The following MIER1 variants were observed in gnomAD, a reference collection of about 807,000 sequenced individuals.
MIER1 encodes MIER1 transcriptional regulator, also known as mesoderm induction early response protein 1.
In MIER1, 40 loss-of-function variants were observed where a neutral mutation model predicts 75.7. That is an observed-to-expected ratio of 0.53 (90% CI 0.41 to 0.69). The LOEUF (loss-of-function observed/expected upper bound fraction) is 0.69, where lower values mean the gene tolerates loss of function less well. Among genes scored for constraint, MIER1 ranks in the 30% least tolerant of loss-of-function variants. The pLI is 0.00. For missense variants in MIER1, 574 were observed against 680.2 expected, an observed-to-expected ratio of 0.84 and a Z score of 1.74; for synonymous variants, 213 against 223.4, an observed-to-expected ratio of 0.95 and a Z score of 0.42.
intron 12 of MIER1, among the ~76,000 whole-genome samples, chr1:66,980,046 G>A (rs1028961341): frequency 6.6e-6 from 1 of 152,198 alleles, no homozygotes; most frequent in Non-Finnish European, 1.5e-5. Context: ...TGACAGGCGT[G>A]AGCCACCACA....
At chr1:66,976,546 A>C (rs1342238623) in intron 11 of MIER1, 49 bp from the exon 12 acceptor site, 1 of 1,515,710 alleles carries the variant, frequency 6.6e-7, no homozygotes, top group Non-Finnish European at 8.8e-7. Context: ...ATCATGAAGT[A>C]ACTTTGTTAA....
In MIER1 at chr1:66,926,121, GCT is replaced by G; in HGVS notation, c.68-16_68-15del. ...TCGTTTCTGTCTCCTTGCTACTGAGGCTCTCTTTCCTTTGATCCAGATGGTGT... is the reference window on the plus strand; with the variant it reads ...TCGTTTCTGTCTCCTTGCTACTGAGGCTCTTTCCTTTGATCCAGATGGTGT... On this transcript the variant is annotated intron_variant, in intron 1 of 13. Transcript: ENST00000401041. 1.1e-5 allele frequency: 17 copies of G among 1,592,704 alleles called. No homozygotes were observed. The highest frequency in any genetic ancestry group is 1.5e-5 in the Non-Finnish European group (17 of 1,160,626).
chr1:66,957,442 A>T (rs1420298435), intron 4 of MIER1, among the ~76,000 whole-genome samples: 1 of 152,184 alleles, frequency 6.6e-6, no homozygotes, highest in Non-Finnish European at 1.5e-5. Flanking sequence ...GCATCTATGA[A>T]ATGGAAATAA....
chr1:66,953,574 A>G (rs1399758214), intron 4 of MIER1, among the ~76,000 whole-genome samples: 1 of 150,160 alleles, frequency 6.7e-6, no homozygotes, highest in African/African-American at 2.4e-5. Context: ...GTTTAATACT[A>G]GTAAGTAAGC....
intron 2 of MIER1, chr1:66,929,295 C>G (rs562760355): frequency 3.3e-6 from 1 of 307,606 alleles, no homozygotes; most frequent in African/African-American, 2.2e-5. Context: ...TAAGAGGAAC[C>G]CTTGAAGATT....
Position 66,986,662 on chromosome 1 carries a change from T to C in MIER1, c.*1762T>C. The C allele has an allele frequency of 1.9e-6, 1 of 522,652 alleles. No homozygotes were observed. 32.4% of individuals were successfully genotyped at this position (522,652 alleles called of 1,614,324 possible). A position where few individuals can be genotyped will look rare whatever the true frequency, so the allele number is the denominator to read the frequency against. ...GTGTTAAAAGCCACTTTGCAACACT[T>C]GACTTCATCTTAATGTACATTCACT... On this transcript the variant is annotated 3_prime_UTR_variant, in exon 14 of 14. Transcript: ENST00000401041.
In MIER1 at chr1:66,985,099, T is replaced by A. The variant is rs924267503; in HGVS notation, c.*199T>A. 45 of 1,253,686 alleles carry A rather than the reference T, an allele frequency of 3.6e-5. No individual in the cohort carries two copies. The highest frequency in any genetic ancestry group is 2.3e-5 in the Non-Finnish European group (23 of 992,360). The allele number at this position is 1,253,686 out of a possible 1,614,324, so 77.7% of individuals were successfully genotyped here. ...TAAAGCTGTCAGACTCTTTTAAGGG[T>A]ATTTTAAAAATTAGTAAATTTGAAT... On this transcript the variant is annotated 3_prime_UTR_variant, in exon 14 of 14. Transcript: ENST00000401041.
At chr1:66,960,630 A>ATAGTGAGACCCCATG (rs1553251235) in intron 7 of MIER1, among the ~76,000 whole-genome samples, 1 of 152,196 alleles carries the variant, frequency 6.6e-6, no homozygotes, top group Non-Finnish European at 1.5e-5. Flanking sequence ...GCTGGGCAAC[A>ATAGTGAGACCCCATG]TAGTGAGACC....
chr1:66,953,903 A>G (rs774636703), intron 4 of MIER1, among the ~76,000 whole-genome samples: 11 of 152,128 alleles, frequency 7.2e-5, no homozygotes, highest in Admixed American at 2.0e-4. Flanking sequence ...TGCACCCAGC[A>G]TAAGTAAGCA....
At chr1:66,947,766 G>T (rs138833153) in intron 4 of MIER1, 1 of 206,534 alleles carries the variant, frequency 4.8e-6, no homozygotes, top group Non-Finnish European at 8.5e-6. Context: ...GGCCAGCAAG[G>T]CCACCTGCAT....
In MIER1 at chr1:66,986,832, T is replaced by A. The variant is rs924169525; in HGVS notation, c.*1932T>A. On this transcript the variant is annotated 3_prime_UTR_variant, in exon 14 of 14. Transcript: ENST00000401041. ...AGCAAGCAGATGGTCACAATCTGTT[T>A]TCTAAATCATTTTTTATTAAATGAA... 2.9e-5 allele frequency: 5 copies of A among 173,044 alleles called. No homozygotes were observed. The highest frequency in any genetic ancestry group is 1.2e-4 in the African/African-American group (5 of 42,160). 10.7% of individuals were successfully genotyped at this position (173,044 alleles called of 1,614,324 possible).
chr1:66,971,644 T>G lies in MIER1; in HGVS notation c.925-11T>G. The stretch of plus-strand genomic sequence containing the variant: ...GTCCTTGTCACATATTCAAGCCTTT[T>G]ATTTTTCTAGGCTTTATATGAATTG... On this transcript the variant is annotated splice_polypyrimidine_tract_variant and intron_variant, in intron 9 of 13. Coordinates refer to ENST00000401041, the MANE Select transcript of MIER1 (RefSeq NM_001077700.3). 2 of 1,358,960 alleles carry G rather than the reference T, an allele frequency of 1.5e-6. No individual in the cohort carries two copies. The highest frequency in any genetic ancestry group is 2.1e-6 in the Non-Finnish European group (2 of 965,472). 84.2% of individuals were successfully genotyped at this position (1,358,960 alleles called of 1,614,324 possible). A position where few individuals can be genotyped will look rare whatever the true frequency, so the allele number is the denominator to read the frequency against.
At chr1:66,983,384 C>A (rs565912995) in intron 13 of MIER1, among the ~76,000 whole-genome samples, 2 of 152,272 alleles carry the variant, frequency 1.3e-5, no homozygotes, top group East Asian at 3.9e-4. Flanking sequence ...AGAATATTTT[C>A]TTCTATCAGA....
At chr1:66,982,719 C>T (rs150066094) in intron 13 of MIER1, among the ~76,000 whole-genome samples, 2 of 152,308 alleles carry the variant, frequency 1.3e-5, no homozygotes, top group East Asian at 3.9e-4. Context: ...AGCCTTGATC[C>T]TCTTCTGACC....
At chr1:66,960,241 C>T (rs1001553741) in intron 7 of MIER1, among the ~76,000 whole-genome samples, 19 of 152,144 alleles carry the variant, frequency 1.2e-4, no homozygotes, top group Admixed American at 3.3e-4. Context: ...GTTCATATTG[C>T]AAGTTTTTCA....
intron 4 of MIER1, among the ~76,000 whole-genome samples, chr1:66,949,058 A>G (rs932795293): frequency 6.6e-6 from 1 of 152,146 alleles, no homozygotes; most frequent in East Asian, 1.9e-4. Context: ...CACTTCATGT[A>G]TTTGTGAAGT....
chr1:66,949,619 A>C (rs1658457615), intron 4 of MIER1, among the ~76,000 whole-genome samples: 2 of 152,228 alleles, frequency 1.3e-5, no homozygotes, highest in Admixed American at 1.3e-4. Context: ...ACCTGAAGCT[A>C]AGCAATATTT....
intron 12 of MIER1, among the ~76,000 whole-genome samples, chr1:66,980,006 C>T (rs1216541408): frequency 6.6e-6 from 1 of 152,172 alleles, no homozygotes; most frequent in African/African-American, 2.4e-5. Flanking sequence ...TCAGGTGATC[C>T]ACCTGCCTCG....
intron 10 of MIER1, among the ~76,000 whole-genome samples, chr1:66,972,121 A>T (rs1157746208): frequency 2.0e-5 from 3 of 151,228 alleles, no homozygotes; most frequent in Non-Finnish European, 4.4e-5. Context: ...TGGCGAAAGC[A>T]AACATAATTC....
Sources: allele counts gnomAD v4.1 joint callset (sites outside exome capture counted in the v4.1 genomes callset), GRCh38; gene constraint gnomAD v4.1.1; transcripts MANE v1.5; gene names NCBI Gene and HGNC (gene_info 2026-07-23, HGNC 2026-07-21).